SENP6: variants seen among roughly 807,000 people sequenced by gnomAD.
SENP6 encodes sentrin-specific protease 6.
A neutral mutation model predicts 134.5 loss-of-function variants in SENP6; 41 were observed. That is an observed-to-expected ratio of 0.30 (90% CI 0.24 to 0.40). The LOEUF is 0.40. Among genes scored for constraint, SENP6 ranks in the 10% least tolerant of loss-of-function variants. SENP6 has a pLI of 1.00. For synonymous variants in SENP6, 395 were observed against 429.8 expected (o/e 0.92, Z 1.00); for missense variants, 1,248 against 1,312.5 (o/e 0.95, Z 0.76).
At chr6:75,609,265 C>T (rs1582650843) in intron 1 of SENP6, among the ~76,000 whole-genome samples, 1 of 152,118 alleles carries the variant, frequency 6.6e-6, no homozygotes, top group Admixed American at 6.5e-5. Context: ...TGTACCTCCC[C>T]CCAAAGGAAG....
chr6:75,621,162 A>G (rs1490154822), intron 1 of SENP6, among the ~76,000 whole-genome samples: 2 of 152,218 alleles, frequency 1.3e-5, no homozygotes, highest in African/African-American at 4.8e-5. Flanking sequence ...GTCTGGATAT[A>G]GTTCTCATGA....
Position 75,666,836 on chromosome 6 carries a change from G to A in SENP6, c.1119G>A (p.Ala373=), listed in dbSNP as rs17414687. The part of the protein sequence containing the change: ...PAPSTGKVEA[A]LNENTCRAER... ...CATCCACTGGAAAAGTAGAAGCAGC[G>A]CTAAATGAAAATACTTGCAGAGCAG... is the stretch of plus-strand genomic sequence containing the variant. The change falls in exon 10 of 24, where the codon GCG becomes GCA. Residue 373 remains alanine, a synonymous_variant. Transcript: ENST00000447266. 528,937 of 1,612,104 alleles carry A rather than the reference G, an allele frequency of 0.33. 93,170 individuals are homozygous for A. Among genetic ancestry groups the A allele is most frequent in the Non-Finnish European group, 0.37 (435,657 of 1,178,374 alleles).
In SENP6 at chr6:75,663,329, G is replaced by A. The variant is rs1771924499; in HGVS notation, c.805G>A (p.Gly269Arg). 1.2e-6 allele frequency: 2 copies of A among 1,613,690 alleles called. No individual in the cohort carries two copies. The highest frequency in any genetic ancestry group is 8.5e-7 in the Non-Finnish European group (1 of 1,179,836). ...NSGGQKSQNTGLTTKKFYGNN... is the reference protein window; with the variant it reads ...NSGGQKSQNTRLTTKKFYGNN... ...TGGAGGACAGAAGTCACAAAACACA[G>A]GATTAACAACCAAGAAGTTTTATGG... Residue 269 changes from glycine (G) to arginine (R), a missense_variant, in exon 9 of 24, where the codon GGA (glycine) becomes AGA (arginine). By Grantham distance (125) the Gly-to-Arg change is moderately radical. Transcript: ENST00000447266.
chr6:75,633,423 G>A (rs1769263562), intron 3 of SENP6, among the ~76,000 whole-genome samples, 158 bp from the exon 4 acceptor site: 1 of 152,078 alleles, frequency 6.6e-6, no homozygotes, highest in South Asian at 2.1e-4. Context: ...GAAAAAAAAA[G>A]TAGGCAGTTG....
chr6:75,694,776 AGTTG>A (rs1224154940), intron 16 of SENP6, among the ~76,000 whole-genome samples: 2 of 152,048 alleles, frequency 1.3e-5, no homozygotes, highest in Non-Finnish European at 2.9e-5. Context: ...TCCATTTGTC[AGTTG>A]GTTAGCATTT....
At chr6:75,640,073 G>T (rs1307629736) in intron 5 of SENP6, among the ~76,000 whole-genome samples, 3 of 152,110 alleles carry the variant, frequency 2.0e-5, no homozygotes, top group Admixed American at 2.0e-4. Context: ...TTATGTCCAG[G>T]TGAGGGAAGT....
At chr6:75,604,416 G>C (rs931374045) in intron 1 of SENP6, among the ~76,000 whole-genome samples, 6 of 152,198 alleles carry the variant, frequency 3.9e-5, no homozygotes, top group Non-Finnish European at 8.8e-5. Context: ...CGGATCACTT[G>C]AGGCCAGGAA....
At chr6:75,604,338 A>G (rs542454754) in intron 1 of SENP6, among the ~76,000 whole-genome samples, 169 of 152,356 alleles carry the variant, frequency 1.1e-3, no homozygotes, top group African/African-American at 3.8e-3. Context: ...GAGCATAAGC[A>G]TAAGGGTTCT....
intron 17 of SENP6, among the ~76,000 whole-genome samples, chr6:75,696,294 A>G (rs1562061807): frequency 6.6e-6 from 1 of 152,184 alleles, no homozygotes; most frequent in Non-Finnish European, 1.5e-5. Flanking sequence ...GTGTTTCCCA[A>G]ATGTGACTAG....
chr6:75,713,898 C>A, intron 23 of SENP6, 73 bp downstream of exon 23: 1 of 1,092,978 alleles, frequency 9.1e-7, no homozygotes, highest in Non-Finnish European at 1.3e-6. Context: ...TAGTAAAAAA[C>A]ACAATAAGCA....
intron 8 of SENP6, among the ~76,000 whole-genome samples, chr6:75,661,482 G>A (rs1771770745): frequency 6.6e-6 from 1 of 152,226 alleles, no homozygotes; most frequent in Non-Finnish European, 1.5e-5. Flanking sequence ...TGTACAGGAT[G>A]TGCAGGTTTG....
Position 75,717,334 on chromosome 6 carries a change from C to G in SENP6, c.*1740C>G, listed in dbSNP as rs374100771. ...GGTACTGAAAAACTATTCTAAAATG[C>G]CTACTTGTTTTTGCATTAATTTGTA... On this transcript the variant is annotated 3_prime_UTR_variant, in exon 24 of 24. Coordinates refer to ENST00000447266, the MANE Select transcript of SENP6 (RefSeq NM_015571.4). The G allele has an allele frequency of 6.6e-5, 10 of 151,848 alleles. No homozygotes were observed. Among genetic ancestry groups the G allele is most frequent in the Admixed American group, 5.9e-4 (9 of 15,250 alleles). 9.4% of individuals were successfully genotyped at this position (151,848 alleles called of 1,614,324 possible).
Position 75,717,227 on chromosome 6 carries a change from TG to T in SENP6, c.*1634del, listed in dbSNP as rs560840768. ...TAAAACTGGGATAAAAAATTGAAGT[TG>T]TTTTTTTTAAAACCTAATAGCAATA... On this transcript the variant is annotated 3_prime_UTR_variant, in exon 24 of 24. Coordinates refer to ENST00000447266, the MANE Select transcript of SENP6 (RefSeq NM_015571.4). 49 of 152,186 alleles carry T rather than the reference TG, an allele frequency of 3.2e-4. No individual in the cohort carries two copies. The highest frequency in any genetic ancestry group is 1.0e-3 in the African/African-American group (42 of 41,566). The allele number at this position is 152,186 out of a possible 1,614,324, so 9.4% of individuals were successfully genotyped here. A position where few individuals can be genotyped will look rare whatever the true frequency, so the allele number is the denominator to read the frequency against.
At chr6:75,677,006 G>A (rs1367155939) in intron 13 of SENP6, 24 bp from the exon 14 acceptor site, 2 of 1,095,446 alleles carry the variant, frequency 1.8e-6, no homozygotes. Flanking sequence ...GTTTTTTTTT[G>A]GACTTATATT....
intron 1 of SENP6, among the ~76,000 whole-genome samples, chr6:75,621,297 A>C (rs565411823): frequency 7.9e-4 from 120 of 152,312 alleles, no homozygotes; most frequent in Non-Finnish European, 1.4e-3. Context: ...ATAGCTTTCT[A>C]ATCTGAGCTT....
At chr6:75,615,122 C>T (rs1767754920) in intron 1 of SENP6, among the ~76,000 whole-genome samples, 1 of 152,046 alleles carries the variant, frequency 6.6e-6, no homozygotes, top group Non-Finnish European at 1.5e-5. Context: ...AATGCCTGAC[C>T]TCAAGTGATT....
intron 1 of SENP6, among the ~76,000 whole-genome samples, chr6:75,604,682 T>C (rs966009837): frequency 6.6e-6 from 1 of 151,982 alleles, no homozygotes; most frequent in Non-Finnish European, 1.5e-5. Context: ...CCAATTTTCA[T>C]ATGCTATATT....
At chr6:75,624,762 C>A (rs1419283741) in intron 3 of SENP6, among the ~76,000 whole-genome samples, 2 of 152,060 alleles carry the variant, frequency 1.3e-5, no homozygotes, top group Non-Finnish European at 2.9e-5. Flanking sequence ...CTAAGACACA[C>A]TTTTTTTCAC....
intron 11 of SENP6, among the ~76,000 whole-genome samples, chr6:75,674,531 C>T (rs1221676437): frequency 6.6e-6 from 1 of 152,090 alleles, no homozygotes; most frequent in Non-Finnish European, 1.5e-5. Context: ...CCATGTTGGC[C>T]ATGCTGGTCT....
Sources: gnomAD v4.1 joint callset for allele counts (sites outside exome capture counted in the v4.1 genomes callset) on GRCh38, gnomAD v4.1.1 for gene constraint, MANE v1.5 for transcripts, NCBI Gene and HGNC (gene_info 2026-07-23, HGNC 2026-07-21) for gene names.